SRGAP1: variants seen among roughly 807,000 people sequenced by gnomAD.
SRGAP1 encodes the protein SLIT-ROBO Rho GTPase-activating protein 1.
In SRGAP1, 43 loss-of-function variants were observed where a neutral mutation model predicts 121.9. The ratio of observed to expected loss-of-function variants is 0.35; its 90% CI spans 0.28 to 0.46. The LOEUF is 0.46. SRGAP1 is among the 20% of genes least tolerant of loss of function. The pLI, the probability that SRGAP1 is intolerant of heterozygous loss-of-function variation, is 1.00. For missense variants in SRGAP1, 1,102 were observed against 1,350.9 expected (o/e 0.82, Z 2.89); for synonymous variants, 447 against 485.4 (o/e 0.92, Z 1.04).
At chr12:64,010,333 A>G (rs1363765690) in intron 3 of SRGAP1, among the ~76,000 whole-genome samples, 6 of 152,124 alleles carry the variant, frequency 3.9e-5, no homozygotes, top group East Asian at 1.9e-4. Context: ...TAGATTGCTC[A>G]GTGTACTCAT....
At chr12:63,910,132 C>G (rs2030424859) in intron 1 of SRGAP1, among the ~76,000 whole-genome samples, 1 of 152,146 alleles carries the variant, frequency 6.6e-6, no homozygotes. Context: ...TCTCTTTACT[C>G]CAGGGGATCA....
chr12:64,152,438 C>G lies in SRGAP1; in HGVS notation c.*9766C>G, dbSNP rs760802971. ...CACGTGGGTCCCCACTGCTGCAGGA[C>G]GGCATACTACTGTGTCTTATTCATC... On this transcript the variant is annotated 3_prime_UTR_variant, in exon 22 of 22. Coordinates refer to ENST00000355086, the MANE Select transcript of SRGAP1 (RefSeq NM_020762.4). 4 of 152,200 alleles carry G rather than the reference C, an allele frequency of 2.6e-5. No individual in the cohort carries two copies. The highest frequency in any genetic ancestry group is 5.9e-5 in the Non-Finnish European group (4 of 68,072). 9.4% of individuals were successfully genotyped at this position (152,200 alleles called of 1,614,324 possible).
At chr12:63,949,965 A>C (rs2032236323) in intron 1 of SRGAP1, among the ~76,000 whole-genome samples, 3 of 152,192 alleles carry the variant, frequency 2.0e-5, no homozygotes, top group Non-Finnish European at 4.4e-5. Flanking sequence ...ATTCTAGAAG[A>C]GTTAAACTTG....
At chr12:63,919,521 TACAC>T (rs150017834) in intron 1 of SRGAP1, among the ~76,000 whole-genome samples, 7 of 139,110 alleles carry the variant, frequency 5.0e-5, no homozygotes, top group African/African-American at 2.0e-4. Context: ...TATATATATA[TACAC>T]ATACACACAC....
At chr12:64,111,642 T>A in intron 16 of SRGAP1, 120 bp from the exon 17 acceptor site, 1 of 825,934 alleles carries the variant, frequency 1.2e-6, no homozygotes, top group Non-Finnish European at 1.8e-6. Context: ...CTTTGGAGTT[T>A]GCTGAGCCAA....
intron 1 of SRGAP1, among the ~76,000 whole-genome samples, chr12:63,913,059 G>A (rs984474371): frequency 1.2e-4 from 18 of 151,730 alleles, no homozygotes; most frequent in Non-Finnish European, 2.2e-4. Context: ...GGCCCTCCTC[G>A]ATCTGCCTCT....
In SRGAP1 at chr12:64,152,743, C is replaced by G. The variant is rs968429903; in HGVS notation, c.*10071C>G. 6 of 151,974 alleles carry G rather than the reference C, an allele frequency of 3.9e-5. No homozygotes were observed. Among genetic ancestry groups the G allele is most frequent in the Non-Finnish European group, 4.4e-5 (3 of 68,002 alleles). 9.4% of individuals were successfully genotyped at this position (151,974 alleles called of 1,614,324 possible). A position where few individuals can be genotyped will look rare whatever the true frequency, so the allele number is the denominator to read the frequency against. On this transcript the variant is annotated 3_prime_UTR_variant, in exon 22 of 22. Transcript: ENST00000355086. ...TGAAATTATATTCATCATTCCAAACCCAACAAAATGGTTACATCCTTCATG... is the reference window on the plus strand; with the variant it reads ...TGAAATTATATTCATCATTCCAAACGCAACAAAATGGTTACATCCTTCATG...
intron 15 of SRGAP1, among the ~76,000 whole-genome samples, chr12:64,108,298 T>A (rs990817889): frequency 6.6e-6 from 1 of 152,026 alleles, no homozygotes; most frequent in Non-Finnish European, 1.5e-5. Flanking sequence ...GAGCTCACCA[T>A]CCCACAGGGA....
intron 4 of SRGAP1, among the ~76,000 whole-genome samples, chr12:64,033,692 T>G (rs1294100451): frequency 6.6e-6 from 1 of 151,926 alleles, no homozygotes; most frequent in East Asian, 1.9e-4. Context: ...CACTTCAGCT[T>G]GGGTTACAGA....
chr12:63,922,938 A>G (rs2031123167), intron 1 of SRGAP1, among the ~76,000 whole-genome samples: 1 of 152,234 alleles, frequency 6.6e-6, no homozygotes, highest in South Asian at 2.1e-4. Flanking sequence ...TACTTGCTCC[A>G]TAACCCACAG....
rs755860304 is a variant in SRGAP1, at chr12:64,092,067, A to G, written c.1539+689A>G. ...TTGGAAATCAGACAAGTTTATAAAT[A>G]GGTTTTACTTAGAAACTGTAGCAAT... On this transcript the variant is annotated intron_variant, in intron 12 of 21. Coordinates refer to ENST00000355086, the MANE Select transcript of SRGAP1 (RefSeq NM_020762.4). 1.8e-4 allele frequency: 122 copies of G among 696,770 alleles called. 1 individual carries two copies. Among genetic ancestry groups the G allele is most frequent in the Non-Finnish European group, 2.6e-4 (110 of 417,270 alleles). The allele number at this position is 696,770 out of a possible 1,614,324, so 43.2% of individuals were successfully genotyped here. A position where few individuals can be genotyped will look rare whatever the true frequency, so the allele number is the denominator to read the frequency against.
At chr12:63,949,112 A>ATATGTATTTTC (rs2032180868) in intron 1 of SRGAP1, among the ~76,000 whole-genome samples, 1 of 95,406 alleles carries the variant, frequency 1.0e-5, no homozygotes, top group African/African-American at 3.7e-5. Context: ...CCATATATAT[A>ATATGTATTTTC]CATTCATATA....
rs59798383 is a variant in SRGAP1, at chr12:63,992,660, T to TACACACACAC, written c.426+2635_426+2644dup. Among the ~76,000 whole-genome samples the TACACACACAC allele has an allele frequency of 2.0e-3, 276 of 138,554 alleles. 1 individual carries two copies. Among genetic ancestry groups the TACACACACAC allele is most frequent in the African/African-American group, 4.9e-3 (177 of 35,914 alleles). The allele number at this position is 138,554 out of a possible 152,430, so 90.9% of individuals were successfully genotyped here. On this transcript the variant is annotated intron_variant, in intron 3 of 21. Coordinates refer to ENST00000355086, the MANE Select transcript of SRGAP1 (RefSeq NM_020762.4). ...AATGGCCTGGAGAATGCACAGTAAA[T>TACACACACAC]ACACACACACACACACACACACACA...
At chr12:64,077,209 A>G (rs2035753717) in intron 8 of SRGAP1, among the ~76,000 whole-genome samples, 1 of 152,204 alleles carries the variant, frequency 6.6e-6, no homozygotes. Flanking sequence ...CTCAACAGGA[A>G]CATAGAAGCC....
chr12:63,858,044 GTTACC>G (rs1899312829), intron 1 of SRGAP1, among the ~76,000 whole-genome samples: 2 of 152,076 alleles, frequency 1.3e-5, no homozygotes, highest in Non-Finnish European at 2.9e-5. Context: ...GTGGTTGAAT[GTTACC>G]TTCTTTTTCT....
intron 18 of SRGAP1, among the ~76,000 whole-genome samples, chr12:64,116,947 G>T (rs1375051022): frequency 6.6e-6 from 1 of 152,200 alleles, no homozygotes; most frequent in African/African-American, 2.4e-5. Flanking sequence ...AGTGAGGCAG[G>T]GTAAGCAGCT....
At chr12:63,863,271 T>C (rs961677310) in intron 1 of SRGAP1, among the ~76,000 whole-genome samples, 2 of 145,316 alleles carry the variant, frequency 1.4e-5, no homozygotes, top group African/African-American at 2.7e-5. Flanking sequence ...TTGCTCTTTT[T>C]TTTTCTTTTT....
chr12:64,119,680 A>G (rs994134707), intron 18 of SRGAP1, among the ~76,000 whole-genome samples: 3 of 150,960 alleles, frequency 2.0e-5, no homozygotes, highest in African/African-American at 2.4e-5. Context: ...CTTTAGCTAT[A>G]TGCACAAATT....
At chr12:63,888,548 C>T (rs765279493) in intron 1 of SRGAP1, 8 of 152,226 alleles carry the variant, frequency 5.3e-5, no homozygotes, top group Admixed American at 1.3e-4. Context: ...TCTTCCATAA[C>T]GGGGTAAAAC....
Sources: allele counts gnomAD v4.1 joint callset (sites outside exome capture counted in the v4.1 genomes callset), GRCh38; gene constraint gnomAD v4.1.1; transcripts MANE v1.5; gene names NCBI Gene and HGNC (gene_info 2026-07-23, HGNC 2026-07-21).